PELI2: variants seen among roughly 807,000 people sequenced by gnomAD.
PELI2 encodes the protein E3 ubiquitin-protein ligase pellino homolog 2.
PELI2 carries 23 observed loss-of-function variants against 42.3 expected under a neutral mutation model. The ratio of observed to expected loss-of-function variants is 0.54; its 90% CI spans 0.39 to 0.77. The LOEUF is 0.77. Among genes scored for constraint, PELI2 ranks in the 30% least tolerant of loss-of-function variants. The pLI is 0.00. For synonymous variants in PELI2, 245 were observed against 212.2 expected, an observed-to-expected ratio of 1.15 and a Z score of -1.34; for missense variants, 463 against 553.2, an observed-to-expected ratio of 0.84 and a Z score of 1.64.
At chr14:56,227,339 C>T (rs1887392435) in intron 2 of PELI2, among the ~76,000 whole-genome samples, 1 of 152,164 alleles carries the variant, frequency 6.6e-6, no homozygotes, top group Admixed American at 6.5e-5. Flanking sequence ...AGGAGAGTGC[C>T]CCACTGGGGC....
chr14:56,193,394 T>G (rs1886020105), intron 2 of PELI2, among the ~76,000 whole-genome samples: 1 of 152,188 alleles, frequency 6.6e-6, no homozygotes. Context: ...AAACCCTGAT[T>G]GTGGCCATGA....
chr14:56,151,934 T>C (rs1884375090), intron 1 of PELI2, among the ~76,000 whole-genome samples: 1 of 152,162 alleles, frequency 6.6e-6, no homozygotes, highest in Admixed American at 6.5e-5. Flanking sequence ...TAGCCCAAAG[T>C]TGAGCAGTCC....
rs560045518 is a variant in PELI2, at chr14:56,299,655, G to A, written c.*2489G>A. 1 of 152,224 alleles carries A rather than the reference G, an allele frequency of 6.6e-6. No homozygotes were observed. Among genetic ancestry groups the A allele is most frequent in the Non-Finnish European group, 1.5e-5 (1 of 68,018 alleles). The allele number at this position is 152,224 out of a possible 1,614,324, so 9.4% of individuals were successfully genotyped here. On this transcript the variant is annotated 3_prime_UTR_variant, in exon 6 of 6. Coordinates refer to ENST00000267460, the MANE Select transcript of PELI2 (RefSeq NM_021255.3). ...TTAGTTTGTGAAAATAAAGAACTCT[G>A]TAGCTCACCAAGGTGGAGAAACGCA...
intron 2 of PELI2, among the ~76,000 whole-genome samples, chr14:56,257,519 A>G (rs187258276): frequency 7.1e-4 from 106 of 149,142 alleles, no homozygotes; most frequent in African/African-American, 2.6e-3. Flanking sequence ...CTCTTTCTAT[A>G]TATATATGTA....
intron 1 of PELI2, among the ~76,000 whole-genome samples, chr14:56,140,425 A>AC (rs769926485): frequency 6.6e-6 from 1 of 152,262 alleles, no homozygotes; most frequent in Non-Finnish European, 1.5e-5. Context: ...AGTAGATACA[A>AC]CAATAATGTC....
chr14:56,255,936 C>G (rs1163999784), intron 2 of PELI2, among the ~76,000 whole-genome samples: 1 of 152,124 alleles, frequency 6.6e-6, no homozygotes, highest in Non-Finnish European at 1.5e-5. Context: ...CGTGCAAGCT[C>G]CCAGCTTGCT....
At chr14:56,291,036 T>C (rs1359697124) in intron 5 of PELI2, among the ~76,000 whole-genome samples, 1 of 152,224 alleles carries the variant, frequency 6.6e-6, no homozygotes, top group Non-Finnish European at 1.5e-5. Context: ...CTTATCCCCA[T>C]GCCCTAAAGC....
rs10133432 is a variant in PELI2, at chr14:56,162,324, T to C, written c.78-16011T>C. ...CTCTCTATGTCCGTGAGTTCAGTTGTTTTGGTTTTTAGATCTTACAAATAA... is the reference window on the plus strand; with the variant it reads ...CTCTCTATGTCCGTGAGTTCAGTTGCTTTGGTTTTTAGATCTTACAAATAA... On this transcript the variant is annotated intron_variant, in intron 1 of 5. Transcript: ENST00000267460. Among the ~76,000 whole-genome samples the C allele has an allele frequency of 1.4e-3, 219 of 152,296 alleles. 1 individual carries two copies. Among genetic ancestry groups the C allele is most frequent in the African/African-American group, 5.0e-3 (209 of 41,564 alleles).
chr14:56,213,904 T>C (rs1368215072), intron 2 of PELI2, among the ~76,000 whole-genome samples: 1 of 152,120 alleles, frequency 6.6e-6, no homozygotes, highest in Admixed American at 6.5e-5. Context: ...CAGGCTGGAG[T>C]GCAGTGGCGT....
chr14:56,240,278 C>T (rs1255447453), intron 2 of PELI2, among the ~76,000 whole-genome samples: 1 of 151,760 alleles, frequency 6.6e-6, no homozygotes, highest in African/African-American at 2.4e-5. Flanking sequence ...TATCCTGGGG[C>T]GAGACGATTG....
intron 1 of PELI2, among the ~76,000 whole-genome samples, chr14:56,166,850 C>T (rs531842704): frequency 3.9e-5 from 6 of 152,140 alleles, no homozygotes; most frequent in South Asian, 2.1e-4. Flanking sequence ...TGCAGTGGCA[C>T]GATCTCAGCG....
chr14:56,229,425 T>C (rs1887478557), intron 2 of PELI2, among the ~76,000 whole-genome samples: 1 of 152,222 alleles, frequency 6.6e-6, no homozygotes, highest in Non-Finnish European at 1.5e-5. Context: ...GCAACATTTG[T>C]TGTTCTGCAA....
chr14:56,221,929 T>C (rs542415109), intron 2 of PELI2, among the ~76,000 whole-genome samples: 1 of 152,194 alleles, frequency 6.6e-6, no homozygotes, highest in African/African-American at 2.4e-5. Context: ...AGGAACTCCA[T>C]GAAGTTTAGC....
chr14:56,263,340 G>A (rs1037006534), intron 2 of PELI2, among the ~76,000 whole-genome samples: 8 of 152,226 alleles, frequency 5.3e-5, no homozygotes, highest in Admixed American at 1.3e-4. Context: ...ATGCAAGAAT[G>A]CAGGATATAG....
At chr14:56,129,965 A>G (rs1478012213) in intron 1 of PELI2, among the ~76,000 whole-genome samples, 1 of 152,090 alleles carries the variant, frequency 6.6e-6, no homozygotes, top group East Asian at 1.9e-4. Context: ...AACTTCTGCC[A>G]TTTCTTCAGG....
chr14:56,131,914 T>A (rs1311510875), intron 1 of PELI2, among the ~76,000 whole-genome samples: 1 of 152,186 alleles, frequency 6.6e-6, no homozygotes, highest in Admixed American at 6.5e-5. Context: ...AACTGCTCTT[T>A]AATCGTGCCG....
At chr14:56,187,161 A>G (rs938526087) in intron 2 of PELI2, among the ~76,000 whole-genome samples, 3 of 152,198 alleles carry the variant, frequency 2.0e-5, no homozygotes, top group Non-Finnish European at 2.9e-5. Context: ...GATGGCAGGT[A>G]GAAAATATTC....
chr14:56,136,700 G>A (rs1883698722), intron 1 of PELI2, among the ~76,000 whole-genome samples: 1 of 152,088 alleles, frequency 6.6e-6, no homozygotes, highest in Non-Finnish European at 1.5e-5. Context: ...AATTTATGTG[G>A]GACTCCTGCC....
At position 56,237,159 on chromosome 14, in the gene PELI2, A is replaced by G. The variant is rs144094585; in HGVS notation, c.208-42517A>G. ...CTTACTCACCAGTCAGGTCCTATTT[A>G]TTATTGACCTGTTTTTAACGTTGTA... On this transcript the variant is annotated intron_variant, in intron 2 of 5. Transcript: ENST00000267460. 5.6e-3 allele frequency among the ~76,000 whole-genome samples: 856 copies of G among 152,228 alleles called. 4 individuals carry two copies. Among genetic ancestry groups the G allele is most frequent in the Middle Eastern group, 0.017 (5 of 294 alleles).
Sources: gnomAD v4.1 joint callset for allele counts (sites outside exome capture counted in the v4.1 genomes callset) on GRCh38, gnomAD v4.1.1 for gene constraint, MANE v1.5 for transcripts, NCBI Gene and HGNC (gene_info 2026-07-23, HGNC 2026-07-21) for gene names.